GALNTL6: variants seen among roughly 807,000 people sequenced by gnomAD.
GALNTL6 encodes polypeptide N-acetylgalactosaminyltransferase-like 6.
GALNTL6 carries 46 observed loss-of-function variants against 73.7 expected under a neutral mutation model. The observed-to-expected ratio is 0.62, with a 90% CI of 0.49 to 0.80. GALNTL6 has a LOEUF of 0.80. Among genes scored for constraint, GALNTL6 ranks in the 30% least tolerant of loss-of-function variants. The pLI is 0.00. For synonymous variants in GALNTL6, 259 were observed against 263.7 expected (o/e 0.98, Z 0.17); for missense variants, 604 against 755.0 (o/e 0.80, Z 2.34).
At chr4:172,243,791 T>A (rs1018836199) in intron 3 of GALNTL6, among the ~76,000 whole-genome samples, 8 of 152,144 alleles carry the variant, frequency 5.3e-5, no homozygotes, top group African/African-American at 1.9e-4. Context: ...CAGGGACCTG[T>A]TTTGCTCCTA....
chr4:172,412,972 A>G (rs1744501602), intron 5 of GALNTL6, among the ~76,000 whole-genome samples: 1 of 152,218 alleles, frequency 6.6e-6, no homozygotes, highest in African/African-American at 2.4e-5. Context: ...CAGCAGGAAG[A>G]CAGAGAAGGA....
intron 2 of GALNTL6, among the ~76,000 whole-genome samples, chr4:171,939,918 G>A (rs1329089254): frequency 6.6e-6 from 1 of 152,020 alleles, no homozygotes; most frequent in African/African-American, 2.4e-5. Flanking sequence ...AGATGAATAT[G>A]GAATCATATA....
chr4:172,719,993 C>A (rs540779935), intron 5 of GALNTL6, among the ~76,000 whole-genome samples: 1 of 152,196 alleles, frequency 6.6e-6, no homozygotes, highest in East Asian at 1.9e-4. Context: ...GTAGTGAGGA[C>A]GACCGGAGGT....
chr4:172,476,581 C>A (rs1222857140), intron 5 of GALNTL6, among the ~76,000 whole-genome samples: 1 of 152,190 alleles, frequency 6.6e-6, no homozygotes, highest in African/African-American at 2.4e-5. Flanking sequence ...TTCTCTGTCA[C>A]TTATAAGCAA....
At chr4:172,060,296 A>C (rs1445993432) in intron 2 of GALNTL6, among the ~76,000 whole-genome samples, 1 of 152,214 alleles carries the variant, frequency 6.6e-6, no homozygotes, top group Non-Finnish European at 1.5e-5. Flanking sequence ...ACATGTTTAC[A>C]CATACATATA....
At chr4:172,631,166 G>T (rs1739380606) in intron 5 of GALNTL6, among the ~76,000 whole-genome samples, 1 of 151,450 alleles carries the variant, frequency 6.6e-6, no homozygotes, top group South Asian at 2.1e-4. Context: ...TTTTTAAATG[G>T]AGTCTCACCC....
chr4:172,755,128 A>G (rs1411944788), intron 5 of GALNTL6, among the ~76,000 whole-genome samples: 1 of 152,172 alleles, frequency 6.6e-6, no homozygotes, highest in Non-Finnish European at 1.5e-5. Context: ...GGTCATTTGC[A>G]GATTCTACTA....
intron 5 of GALNTL6, among the ~76,000 whole-genome samples, chr4:172,602,680 C>T (rs757563126): frequency 1.4e-4 from 22 of 152,092 alleles, no homozygotes; most frequent in Non-Finnish European, 2.5e-4. Flanking sequence ...AAAAGATTGG[C>T]AGCTTCTTTA....
intron 2 of GALNTL6, among the ~76,000 whole-genome samples, chr4:171,901,286 T>A (rs1392470436): frequency 6.6e-6 from 1 of 151,768 alleles, no homozygotes; most frequent in Non-Finnish European, 1.5e-5. Context: ...ACAGAGGGGG[T>A]AAGAAAATGA....
chr4:172,244,287 A>C (rs1037069391), intron 3 of GALNTL6, among the ~76,000 whole-genome samples: 9 of 151,920 alleles, frequency 5.9e-5, no homozygotes, highest in Admixed American at 2.6e-4. Flanking sequence ...TTAGAACACA[A>C]CTTAGGCTGA....
chr4:172,871,693 C>G (rs1744948085), intron 7 of GALNTL6, among the ~76,000 whole-genome samples: 1 of 151,150 alleles, frequency 6.6e-6, no homozygotes, highest in African/African-American at 2.4e-5. Flanking sequence ...AATTGTCCTT[C>G]AAGGCAAATG....
chr4:172,327,052 G>A (rs903651430), intron 4 of GALNTL6, among the ~76,000 whole-genome samples: 10 of 151,854 alleles, frequency 6.6e-5, no homozygotes, highest in African/African-American at 2.2e-4. Flanking sequence ...TTTGCTATAA[G>A]CTAATCGATT....
intron 2 of GALNTL6, among the ~76,000 whole-genome samples, chr4:171,916,620 C>T (rs976949158): frequency 2.0e-5 from 3 of 152,062 alleles, no homozygotes; most frequent in Non-Finnish European, 4.4e-5. Context: ...AACTTAAGCC[C>T]CAAGTCAAAG....
intron 5 of GALNTL6, among the ~76,000 whole-genome samples, chr4:172,806,169 A>G (rs1740946017): frequency 6.6e-6 from 1 of 152,188 alleles, no homozygotes; most frequent in East Asian, 1.9e-4. Flanking sequence ...ATGAACTACT[A>G]AGAGAGAAAG....
At chr4:171,823,243 A>G (rs1415759149) in intron 2 of GALNTL6, among the ~76,000 whole-genome samples, 1 of 152,118 alleles carries the variant, frequency 6.6e-6, no homozygotes, top group African/African-American at 2.4e-5. Context: ...TAAGACGGAT[A>G]ATGGATACTG....
rs76819628 is a variant in GALNTL6, at chr4:172,402,174, A to G, written c.553+53485A>G. 5.7e-3 allele frequency among the ~76,000 whole-genome samples: 866 copies of G among 152,196 alleles called. 8 individuals are homozygous for G. The highest frequency in any genetic ancestry group is 0.02 in the African/African-American group (836 of 41,564). ...GGTCTCCAGGAAGGGTCAATTTTTTATAACTCTCATTTGGGAGCTTTAGGC... is the reference window on the plus strand; with the variant it reads ...GGTCTCCAGGAAGGGTCAATTTTTTGTAACTCTCATTTGGGAGCTTTAGGC... On this transcript the variant is annotated intron_variant, in intron 5 of 12. Coordinates refer to ENST00000506823, the MANE Select transcript of GALNTL6 (RefSeq NM_001034845.3).
chr4:172,006,480 T>A (rs1740846615), intron 2 of GALNTL6, among the ~76,000 whole-genome samples: 1 of 151,808 alleles, frequency 6.6e-6, no homozygotes, highest in South Asian at 2.1e-4. Context: ...AATAGAAAGC[T>A]AGCCAAGGTG....
chr4:172,810,994 A>C (rs1741264920), intron 6 of GALNTL6, among the ~76,000 whole-genome samples: 1 of 142,960 alleles, frequency 7.0e-6, no homozygotes, highest in African/African-American at 2.7e-5. Context: ...AAAAAAAAAG[A>C]GTAAGAGAAA....
chr4:172,771,780 G>A (rs1439426189), intron 5 of GALNTL6, among the ~76,000 whole-genome samples: 2 of 152,168 alleles, frequency 1.3e-5, no homozygotes, highest in African/African-American at 2.4e-5. Context: ...GAATTCTTGA[G>A]TGAACCTTAA....
Sources: gnomAD v4.1 joint callset for allele counts (sites outside exome capture counted in the v4.1 genomes callset) on GRCh38, gnomAD v4.1.1 for gene constraint, MANE v1.5 for transcripts, NCBI Gene and HGNC (gene_info 2026-07-23, HGNC 2026-07-21) for gene names.